The following AGPAT4 variants were observed in gnomAD, a reference collection of about 807,000 sequenced individuals.
AGPAT4 encodes the protein 1-acylglycerol-3-phosphate O-acyltransferase 4.
Under a neutral mutation model 48.0 loss-of-function variants are expected in AGPAT4, and 15 were observed. The observed-to-expected ratio is 0.31, with a 90% CI of 0.21 to 0.48. The LOEUF is 0.48. AGPAT4 is among the 20% of genes least tolerant of loss of function. The pLI, the probability that AGPAT4 is intolerant of heterozygous loss-of-function variation, is 0.99. For missense variants in AGPAT4, 314 were observed against 482.5 expected (o/e 0.65, Z 3.27); for synonymous variants, 178 against 198.7 (o/e 0.90, Z 0.88).
intron 1 of AGPAT4, among the ~76,000 whole-genome samples, chr6:161,253,823 T>G (rs978204263): frequency 6.6e-6 from 1 of 152,194 alleles, no homozygotes; most frequent in African/African-American, 2.4e-5. Context: ...TAGTTTTAGT[T>G]ATTTTAATTG....
At chr6:161,156,010 G>A (rs1329908396) in intron 3 of AGPAT4, among the ~76,000 whole-genome samples, 1 of 152,180 alleles carries the variant, frequency 6.6e-6, no homozygotes, top group Non-Finnish European at 1.5e-5. Context: ...ATTCTATCTT[G>A]CAAGATCCTA....
intron 2 of AGPAT4, among the ~76,000 whole-genome samples, chr6:161,186,610 A>C (rs1472701979): frequency 2.0e-5 from 3 of 151,972 alleles, no homozygotes; most frequent in Admixed American, 6.6e-5. Flanking sequence ...TGCCAGTCTC[A>C]TGCCTTGCCG....
rs895394919 is a variant in AGPAT4, at chr6:161,254,950, G to A, written c.-90+18988C>T. The stretch of plus-strand genomic sequence containing the variant: ...GCTCACAAAAGCCAGCCCTGACTTC[G>A]CGAAGAAAAAGCCTCAAACTGCAGA... On this transcript the variant is annotated intron_variant, in intron 1 of 8. Coordinates refer to ENST00000320285, the MANE Select transcript of AGPAT4 (RefSeq NM_020133.3). The surrounding 1 kb of genome is among the most constrained non-coding windows in gnomAD (Gnocchi z 5.9). Among the ~76,000 whole-genome samples, 15 of 152,248 alleles carry A rather than the reference G, an allele frequency of 9.9e-5. No homozygotes were observed. The highest frequency in any genetic ancestry group is 1.9e-4 in the East Asian group (1 of 5,182).
At position 161,245,056 on chromosome 6, in the gene AGPAT4, C is replaced by G. The variant is rs1782611928; in HGVS notation, c.-89-12754G>C. ...TGCCTACTAGCAAGCCGTGCACCAA[C>G]TGGCAACTTATTTTGCAGTGGCCTA... is the stretch of plus-strand genomic sequence containing the variant. On this transcript the variant is annotated intron_variant, in intron 1 of 8. Coordinates refer to ENST00000320285, the MANE Select transcript of AGPAT4 (RefSeq NM_020133.3). This position sits in a 1 kb window ranked among gnomAD's most constrained non-coding sequence, Gnocchi z 5.2. Among the ~76,000 whole-genome samples, 1 of 152,278 alleles carries G rather than the reference C, an allele frequency of 6.6e-6. No homozygotes were observed. Among genetic ancestry groups the G allele is most frequent in the African/African-American group, 2.4e-5 (1 of 41,478 alleles).
chr6:161,225,442 T>C lies in AGPAT4; in HGVS notation c.178+6594A>G, dbSNP rs757038717. Among the ~76,000 whole-genome samples the C allele has an allele frequency of 7.9e-5, 12 of 152,224 alleles. No homozygotes were observed. The highest frequency in any genetic ancestry group is 5.9e-5 in the Non-Finnish European group (4 of 68,034). On this transcript the variant is annotated intron_variant, in intron 2 of 8. Coordinates refer to ENST00000320285, the MANE Select transcript of AGPAT4 (RefSeq NM_020133.3). This position sits in a 1 kb window ranked among gnomAD's most constrained non-coding sequence, Gnocchi z 5.0. Reference sequence around the variant, plus strand: ...CACCCTTCTATAGAAGTAACTTGCCTTGCTGAGAATTAAAAAGAAAATTTT... The same window carrying C: ...CACCCTTCTATAGAAGTAACTTGCCCTGCTGAGAATTAAAAAGAAAATTTT...
At position 161,242,441 on chromosome 6, in the gene AGPAT4, G is replaced by C. The variant is rs1782518883; in HGVS notation, c.-89-10139C>G. Among the ~76,000 whole-genome samples the C allele has an allele frequency of 6.6e-6, 1 of 152,116 alleles. No homozygotes were observed. The highest frequency in any genetic ancestry group is 2.4e-5 in the African/African-American group (1 of 41,436). On this transcript the variant is annotated intron_variant, in intron 1 of 8. Coordinates refer to ENST00000320285, the MANE Select transcript of AGPAT4 (RefSeq NM_020133.3). The surrounding 1 kb of genome is among the most constrained non-coding windows in gnomAD (Gnocchi z 5.0). ...TCCCTTTCACAGTCAGTCCTGGGGA[G>C]CCTCAGTGGCACCTTTTCTCCAAGT... is the stretch of plus-strand genomic sequence containing the variant.
chr6:161,147,997 AT>A lies in AGPAT4; in HGVS notation c.767+1189del, dbSNP rs1779482443. Among the ~76,000 whole-genome samples, 1 of 152,176 alleles carries A rather than the reference AT, an allele frequency of 6.6e-6. No homozygotes were observed. The highest frequency in any genetic ancestry group is 1.5e-5 in the Non-Finnish European group (1 of 68,046). ...TTCGGTGAGTGAACGTGCCAGTACC[AT>A]TTTTGGGCTGATTGTCACACATGCT... On this transcript the variant is annotated intron_variant, in intron 6 of 8. Transcript: ENST00000320285. The surrounding 1 kb of genome is among the most constrained non-coding windows in gnomAD (Gnocchi z 4.8).
chr6:161,255,165 C>T lies in AGPAT4; in HGVS notation c.-90+18773G>A, dbSNP rs1582912875. On this transcript the variant is annotated intron_variant, in intron 1 of 8. Coordinates refer to ENST00000320285, the MANE Select transcript of AGPAT4 (RefSeq NM_020133.3). The surrounding 1 kb of genome is among the most constrained non-coding windows in gnomAD (Gnocchi z 4.7). ...CTTTCCCTGTAATACCTCACACATC[C>T]AGTTCTCCTTCATTAGCTCTATGAT... Among the ~76,000 whole-genome samples, 1 of 152,208 alleles carries T rather than the reference C, an allele frequency of 6.6e-6. No homozygotes were observed. Among genetic ancestry groups the T allele is most frequent in the South Asian group, 2.1e-4 (1 of 4,830 alleles).
At chr6:161,258,368 G>A (rs143562444) in intron 1 of AGPAT4, among the ~76,000 whole-genome samples, 18 of 152,222 alleles carry the variant, frequency 1.2e-4, no homozygotes, top group African/African-American at 3.9e-4. Context: ...CCAAATACCT[G>A]AGAGTATCCA....
At position 161,139,713 on chromosome 6, in the gene AGPAT4, C is replaced by T. The variant is rs894861991; in HGVS notation, c.844-93G>A. 8.7e-7 allele frequency: 1 copy of T among 1,149,206 alleles called. No individual in the cohort carries two copies. The allele number at this position is 1,149,206 out of a possible 1,614,324, so 71.2% of individuals were successfully genotyped here. ...TGCTTCCAAGGGAATCGCAGAGATACACAGGTGCCACCGGGGCTCGGCAGA... is the reference window on the plus strand; with the variant it reads ...TGCTTCCAAGGGAATCGCAGAGATATACAGGTGCCACCGGGGCTCGGCAGA... On this transcript the variant is annotated intron_variant, in intron 7 of 8. Coordinates refer to ENST00000320285, the MANE Select transcript of AGPAT4 (RefSeq NM_020133.3). This position sits in a 1 kb window ranked among gnomAD's most constrained non-coding sequence, Gnocchi z 9.1.
rs1432587172 is a variant in AGPAT4, at chr6:161,130,975, GA to G, written c.*5564del. 5 of 490,838 alleles carry G rather than the reference GA, an allele frequency of 1.0e-5. No homozygotes were observed. Among genetic ancestry groups the G allele is most frequent in the Non-Finnish European group, 2.1e-5 (5 of 242,702 alleles). 30.4% of individuals were successfully genotyped at this position (490,838 alleles called of 1,614,324 possible). A position where few individuals can be genotyped will look rare whatever the true frequency, so the allele number is the denominator to read the frequency against. Reference sequence around the variant, plus strand: ...TGGCTAAAACTAGTACTATGGAATAGAAAAGGAAAAGTGACATTTGTGTAAT... The same window carrying G: ...TGGCTAAAACTAGTACTATGGAATAGAAAGGAAAAGTGACATTTGTGTAAT... On this transcript the variant is annotated 3_prime_UTR_variant, in exon 9 of 9. Transcript: ENST00000320285.
rs2114979567 is a variant in AGPAT4, at chr6:161,166,064, G to C, written c.348+184C>G. Reference sequence around the variant, plus strand: ...CAATTGTTGAGTACCTCTTATGATTGCCCATAAGAAGCTGTTAAGACTGAC... The same window carrying C: ...CAATTGTTGAGTACCTCTTATGATTCCCCATAAGAAGCTGTTAAGACTGAC... On this transcript the variant is annotated intron_variant, in intron 3 of 8. Transcript: ENST00000320285. This position sits in a 1 kb window ranked among gnomAD's most constrained non-coding sequence, Gnocchi z 6.7. 2.7e-6 allele frequency: 2 copies of C among 732,140 alleles called. No individual in the cohort carries two copies. The highest frequency in any genetic ancestry group is 2.3e-6 in the Non-Finnish European group (1 of 442,214). 45.4% of individuals were successfully genotyped at this position (732,140 alleles called of 1,614,324 possible).
At position 161,244,123 on chromosome 6, in the gene AGPAT4, T is replaced by C. The variant is rs928791478; in HGVS notation, c.-89-11821A>G. ...GAGAAGACCAAGACCCTCATCACTT[T>C]GGTGCTCTCTGAATGTACCTGTGTT... On this transcript the variant is annotated intron_variant, in intron 1 of 8. Transcript: ENST00000320285. This position sits in a 1 kb window ranked among gnomAD's most constrained non-coding sequence, Gnocchi z 4.7. 3.3e-5 allele frequency among the ~76,000 whole-genome samples: 5 copies of C among 152,238 alleles called. No homozygotes were observed. The highest frequency in any genetic ancestry group is 1.2e-4 in the African/African-American group (5 of 41,462).
Position 161,139,376 on chromosome 6 carries a change from C to A in AGPAT4, c.1042+46G>T. 1 of 1,600,414 alleles carries A rather than the reference C, an allele frequency of 6.2e-7. No individual in the cohort carries two copies. Among genetic ancestry groups the A allele is most frequent in the South Asian group, 1.1e-5 (1 of 90,238 alleles). On this transcript the variant is annotated intron_variant, in intron 8 of 8. Coordinates refer to ENST00000320285, the MANE Select transcript of AGPAT4 (RefSeq NM_020133.3). This position sits in a 1 kb window ranked among gnomAD's most constrained non-coding sequence, Gnocchi z 9.1. The stretch of plus-strand genomic sequence containing the variant: ...GTCCCAGCCCTGATGCCACCTCTCC[C>A]AGGGTGGTGCTGTCAGCACCCACCA...
rs61492784 is a variant in AGPAT4 at position 161,180,555 on chromosome 6, T to G, written c.179-14138A>C. On this transcript the variant is annotated intron_variant, in intron 2 of 8. Transcript: ENST00000320285. This position sits in a 1 kb window ranked among gnomAD's most constrained non-coding sequence, Gnocchi z 6.4. Reference sequence around the variant, plus strand: ...TGATTGCTATGAAATATAACAAATATGTATAATTATACATTTATAATAACC... The same window carrying G: ...TGATTGCTATGAAATATAACAAATAGGTATAATTATACATTTATAATAACC... Among the ~76,000 whole-genome samples, 2 of 152,240 alleles carry G rather than the reference T, an allele frequency of 1.3e-5. No individual in the cohort carries two copies. The highest frequency in any genetic ancestry group is 4.8e-5 in the African/African-American group (2 of 41,466).
At position 161,165,449 on chromosome 6, in the gene AGPAT4, C is replaced by T. The variant is rs79835196; in HGVS notation, c.348+799G>A. On this transcript the variant is annotated intron_variant, in intron 3 of 8. Coordinates refer to ENST00000320285, the MANE Select transcript of AGPAT4 (RefSeq NM_020133.3). This position sits in a 1 kb window ranked among gnomAD's most constrained non-coding sequence, Gnocchi z 5.5. Reference sequence around the variant, plus strand: ...AAAGCAAGGTGATTTCAGCAGCCCCCGTATCTGTTCTACAGGGCATTGTTC... The same window carrying T: ...AAAGCAAGGTGATTTCAGCAGCCCCTGTATCTGTTCTACAGGGCATTGTTC... The T allele has an allele frequency of 0.028, 11,491 of 404,132 alleles. 216 individuals are homozygous for T. Among genetic ancestry groups the T allele is most frequent in the Non-Finnish European group, 0.038 (9,800 of 256,020 alleles). The allele number at this position is 404,132 out of a possible 1,614,324, so 25.0% of individuals were successfully genotyped here. A position where few individuals can be genotyped will look rare whatever the true frequency, so the allele number is the denominator to read the frequency against.
At position 161,146,560 on chromosome 6, in the gene AGPAT4, C is replaced by T; in HGVS notation, c.807G>A (p.Glu269=). ...AGAGCTTGTGCAGCCAGGCCGAGCA[C>T]TCGTCATCGTCTTCAGGGATGTCTT... ...PLEDIPEDDD[E]CSAWLHKLYQ... The change falls in exon 7 of 9, where the codon GAG becomes GAA. Residue 269 remains glutamate, a synonymous_variant. Transcript: ENST00000320285. The surrounding 1 kb of genome is among the most constrained non-coding windows in gnomAD (Gnocchi z 7.1). The T allele has an allele frequency of 6.2e-7, 1 of 1,614,118 alleles. No homozygotes were observed. The highest frequency in any genetic ancestry group is 1.3e-5 in the African/African-American group (1 of 75,042).
Position 161,138,935 on chromosome 6 carries a change from A to T in AGPAT4, c.1042+487T>A, listed in dbSNP as rs1182838566. ...TACCGGTCACCTGGAGCCAGCGCAG[A>T]CCCATGAAAAGCTCTGTCGCCGAGT... On this transcript the variant is annotated intron_variant, in intron 8 of 8. Coordinates refer to ENST00000320285, the MANE Select transcript of AGPAT4 (RefSeq NM_020133.3). This position sits in a 1 kb window ranked among gnomAD's most constrained non-coding sequence, Gnocchi z 4.8. Among the ~76,000 whole-genome samples the T allele has an allele frequency of 6.6e-6, 1 of 151,844 alleles. No homozygotes were observed. The highest frequency in any genetic ancestry group is 1.9e-4 in the East Asian group (1 of 5,156).
At position 161,139,262 on chromosome 6, in the gene AGPAT4, G is replaced by A. The variant is rs559946600; in HGVS notation, c.1042+160C>T. On this transcript the variant is annotated intron_variant, in intron 8 of 8. Coordinates refer to ENST00000320285, the MANE Select transcript of AGPAT4 (RefSeq NM_020133.3). This position sits in a 1 kb window ranked among gnomAD's most constrained non-coding sequence, Gnocchi z 9.1. The stretch of plus-strand genomic sequence containing the variant: ...CCCAGGCCTGGTATTCGAGGGCCTC[G>A]CACTCATCCTGAAGTCTAATCTTTC... 5.3e-5 allele frequency among the ~76,000 whole-genome samples: 8 copies of A among 152,250 alleles called. No individual in the cohort carries two copies. The highest frequency in any genetic ancestry group is 1.9e-4 in the East Asian group (1 of 5,154).
Sources: allele counts gnomAD v4.1 joint callset (sites outside exome capture counted in the v4.1 genomes callset), GRCh38; gene constraint gnomAD v4.1.1; non-coding constraint Gnocchi (gnomAD v3.1); transcripts MANE v1.5; gene names NCBI Gene and HGNC (gene_info 2026-07-23, HGNC 2026-07-21).